Variants in IL17RD observed in about 807,000 individuals in gnomAD.
The protein encoded by IL17RD is interleukin-17 receptor D.
IL17RD carries 52 observed loss-of-function variants against 80.5 expected under a neutral mutation model. The observed-to-expected ratio is 0.65, with a 90% CI of 0.52 to 0.81. The LOEUF (loss-of-function observed/expected upper bound fraction) is 0.81. IL17RD is among the 40% of genes least tolerant of loss of function. IL17RD has a pLI of 0.00. For missense variants in IL17RD, 1,024 were observed against 955.1 expected, an observed-to-expected ratio of 1.07 and a Z score of -0.95; for synonymous variants, 416 against 391.8, an observed-to-expected ratio of 1.06 and a Z score of -0.73.
chr3:57,152,039 C>A (rs1385113199), intron 1 of IL17RD, among the ~76,000 whole-genome samples: 6 of 152,166 alleles, frequency 3.9e-5, no homozygotes, highest in African/African-American at 1.4e-4. Context: ...CCTCCTTCTA[C>A]ACAAAAATGG....
chr3:57,169,146 C>T, upstream of IL17RD: 1 of 457,988 alleles, frequency 2.2e-6, no homozygotes. Flanking sequence ...ATCACAGTTT[C>T]CTCCAGGCCA....
At chr3:57,102,013 A>ACTT (rs5849191) in intron 10 of IL17RD, among the ~76,000 whole-genome samples, 129,199 of 152,006 alleles carry the variant, frequency 0.85, 55,523 homozygotes, top group South Asian at 0.95. Flanking sequence ...TAATCCCAGC[A>ACTT]TGAGAGGGAG....
chr3:57,111,761 G>C (rs1707104026), intron 3 of IL17RD, among the ~76,000 whole-genome samples: 1 of 151,372 alleles, frequency 6.6e-6, no homozygotes, highest in Non-Finnish European at 1.5e-5. Context: ...ACAAGGTCAG[G>C]AGATTGAGAC....
At chr3:57,145,358 G>A (rs1393055062) in intron 1 of IL17RD, among the ~76,000 whole-genome samples, 1 of 152,116 alleles carries the variant, frequency 6.6e-6, no homozygotes, top group African/African-American at 2.4e-5. Flanking sequence ...GGATAAGCTG[G>A]GTGATCACAC....
intron 1 of IL17RD, among the ~76,000 whole-genome samples, chr3:57,128,590 C>A (rs1199125571): frequency 1.3e-5 from 2 of 152,014 alleles, no homozygotes; most frequent in African/African-American, 4.8e-5. Context: ...GTTAGGAAAT[C>A]CATTCACTAA....
At chr3:57,127,242 ATATATATAT>A (rs1559476753) in intron 1 of IL17RD, among the ~76,000 whole-genome samples, 8 of 103,488 alleles carry the variant, frequency 7.7e-5, no homozygotes, top group African/African-American at 3.4e-4. Flanking sequence ...AAATATATAA[ATATATATAT>A]AAATATATAT....
chr3:57,134,392 A>G, intron 1 of IL17RD: 1 of 704,964 alleles, frequency 1.4e-6, no homozygotes, highest in Non-Finnish European at 2.6e-6. Context: ...GGTACAGCCA[A>G]TGCCCAAATG....
At chr3:57,168,641 C>G (rs901648653), upstream of IL17RD, among the ~76,000 whole-genome samples, 1 of 142,488 alleles carries the variant, frequency 7.0e-6, no homozygotes, top group South Asian at 2.4e-4. Context: ...GCAACATTCT[C>G]TGTATTCTGG....
chr3:57,127,392 A>T (rs1579291794), intron 1 of IL17RD, among the ~76,000 whole-genome samples: 1 of 95,050 alleles, frequency 1.1e-5, no homozygotes, highest in African/African-American at 4.5e-5. Context: ...AAATAAATAA[A>T]TAAATATATA....
In IL17RD at chr3:57,127,251, T is replaced by TAAAAATATATATAAAAATATATAA. The variant is rs1253109325; in HGVS notation, c.127-6939_127-6938insTTATATATTTTTATATATATTTTT. Among the ~76,000 whole-genome samples, 516 of 92,086 alleles carry TAAAAATATATATAAAAATATATAA rather than the reference T, an allele frequency of 5.6e-3. 89 individuals carry two copies. In the East Asian group the frequency reaches 0.14, roughly 25 times the overall value. The allele number at this position is 92,086 out of a possible 152,430, so 60.4% of individuals were successfully genotyped here. ...ATATAAAAATATATAAATATATATATAAATATATATAAATATATATAAAAA... is the reference window on the plus strand; with the variant it reads ...ATATAAAAATATATAAATATATATATAAAAATATATATAAAAATATATAAAAATATATATAAATATATATAAAAA... On this transcript the variant is annotated intron_variant, in intron 1 of 12. Transcript: ENST00000296318.
In IL17RD at chr3:57,153,983, T is replaced by G. The variant is rs183021650; in HGVS notation, c.126+11178A>C. 5.7e-4 allele frequency among the ~76,000 whole-genome samples: 87 copies of G among 152,152 alleles called. 1 individual carries two copies. The highest frequency in any genetic ancestry group is 1.1e-3 in the Non-Finnish European group (75 of 68,002). Reference sequence around the variant, plus strand: ...GCTCTAGGCAGGGCATGGTGGCTCATGTCTGTAATCCCAGCACTTTGCGAG... The same window carrying G: ...GCTCTAGGCAGGGCATGGTGGCTCAGGTCTGTAATCCCAGCACTTTGCGAG... On this transcript the variant is annotated intron_variant, in intron 1 of 12. Coordinates refer to ENST00000296318, the MANE Select transcript of IL17RD (RefSeq NM_017563.5).
intron 1 of IL17RD, among the ~76,000 whole-genome samples, chr3:57,148,102 G>T (rs866299510): frequency 4.8e-5 from 4 of 84,018 alleles, no homozygotes; most frequent in African/African-American, 9.0e-5. Context: ...GGGGGGGGGG[G>T]GGCGATCGCT....
chr3:57,155,351 A>T (rs1368709588), intron 1 of IL17RD, among the ~76,000 whole-genome samples: 1 of 152,210 alleles, frequency 6.6e-6, no homozygotes, highest in Non-Finnish European at 1.5e-5. Context: ...TAAAGTAGAC[A>T]GTCCAAGCAA....
intron 1 of IL17RD, among the ~76,000 whole-genome samples, chr3:57,124,821 G>A (rs146028737): frequency 1.7e-4 from 26 of 152,160 alleles, no homozygotes; most frequent in African/African-American, 5.5e-4. Flanking sequence ...TCACACACAC[G>A]GCACGTGCTG....
chr3:57,117,206 T>C (rs905710116), intron 2 of IL17RD, among the ~76,000 whole-genome samples: 4 of 150,664 alleles, frequency 2.7e-5, no homozygotes, highest in Non-Finnish European at 5.9e-5. Flanking sequence ...CTCCGCCTCC[T>C]GGGTTCAAGC....
intron 1 of IL17RD, among the ~76,000 whole-genome samples, chr3:57,139,137 T>C (rs1481269230): frequency 6.6e-6 from 1 of 151,642 alleles, no homozygotes; most frequent in Non-Finnish European, 1.5e-5. Context: ...TAAGGACAGA[T>C]AGGCTAATTC....
chr3:57,110,332 T>C (rs1313122456), intron 3 of IL17RD, 21 bp from the exon 4 acceptor site: 1 of 1,565,820 alleles, frequency 6.4e-7, no homozygotes, highest in Non-Finnish European at 8.7e-7. Flanking sequence ...CAGAATGCTT[T>C]TATTAATAGT....
At chr3:57,134,714 C>G (rs529660775) in intron 1 of IL17RD, 2 of 668,678 alleles carry the variant, frequency 3.0e-6, no homozygotes, top group South Asian at 2.9e-5. Context: ...AGGAAGAGAC[C>G]GAGAAGTGAA....
At chr3:57,149,805 T>A (rs1009522202) in intron 1 of IL17RD, among the ~76,000 whole-genome samples, 1 of 152,204 alleles carries the variant, frequency 6.6e-6, no homozygotes. Flanking sequence ...CACTCTCTCA[T>A]AGCTGGGCAG....
Sources: gnomAD v4.1 joint callset for allele counts (sites outside exome capture counted in the v4.1 genomes callset) on GRCh38, gnomAD v4.1.1 for gene constraint, MANE v1.5 for transcripts, NCBI Gene and HGNC (gene_info 2026-07-23, HGNC 2026-07-21) for gene names.